The following KALRN variants were observed in gnomAD, a reference collection of about 807,000 sequenced individuals.
KALRN encodes the protein kalirin RhoGEF kinase, also known as kalirin.
In KALRN, 70 loss-of-function variants were observed where a neutral mutation model predicts 353.7. The ratio of observed to expected loss-of-function variants is 0.20; its 90% CI spans 0.16 to 0.24. The LOEUF (loss-of-function observed/expected upper bound fraction) is 0.24. Among genes scored for constraint, KALRN ranks in the 10% least tolerant of loss-of-function variants. The pLI, the probability that KALRN is intolerant of heterozygous loss-of-function variation, is 1.00. For synonymous variants in KALRN, 1,391 were observed against 1,434.8 expected (o/e 0.97, Z 0.69); for missense variants, 2,791 against 3,756.7 (o/e 0.74, Z 6.72).
At chr3:124,596,186 A>G (rs1578222023) in intron 34 of KALRN, among the ~76,000 whole-genome samples, 1 of 45,550 alleles carries the variant, frequency 2.2e-5, no homozygotes, top group Non-Finnish European at 4.1e-5. Flanking sequence ...CATCTTAAAG[A>G]AAAAAAAAAA....
intron 5 of KALRN, among the ~76,000 whole-genome samples, chr3:124,295,785 G>C (rs1376534180): frequency 6.6e-6 from 1 of 152,054 alleles, no homozygotes; most frequent in Non-Finnish European, 1.5e-5. Context: ...AATAGGGCTG[G>C]GAGGCAGAAT....
Position 124,667,061 on chromosome 3 carries a change from T to A in KALRN, c.6581T>A (p.Phe2194Tyr), listed in dbSNP as rs1290140312. Residue 2194 changes from phenylalanine (F) to tyrosine (Y), a missense_variant, in exon 47 of 60, where the codon TTT (phenylalanine) becomes TAT (tyrosine). Around this residue, in one of 11 missense-constraint regions of KALRN, gnomAD observed 1,065 missense variants for 1,156.4 expected, o/e 0.92. Transcript: ENST00000682506. ...AATGTGGACAATGATCCCTGCAAGT[T>A]TGCACTCATGAACAGAGAGACTTCT... is the stretch of plus-strand genomic sequence containing the variant. Reference protein sequence around the residue: ...EENVDNDPCKFALMNRETSER... With the variant: ...EENVDNDPCKYALMNRETSER... 6.2e-7 allele frequency: 1 copy of A among 1,614,048 alleles called. No individual in the cohort carries two copies. Among genetic ancestry groups the A allele is most frequent in the Non-Finnish European group, 8.5e-7 (1 of 1,179,986 alleles).
intron 3 of KALRN, among the ~76,000 whole-genome samples, chr3:124,235,246 C>A (rs889289168): frequency 2.0e-5 from 3 of 152,120 alleles, no homozygotes; most frequent in Non-Finnish European, 4.4e-5. Context: ...AGTGATATTG[C>A]CCCCAAAGAG....
intron 37 of KALRN, among the ~76,000 whole-genome samples, chr3:124,642,806 G>GTTTTTTTGTTGTTGTTGTTGTTTTT (rs1553707032): frequency 1.0e-5 from 1 of 96,840 alleles, no homozygotes; most frequent in African/African-American, 4.5e-5. Context: ...CCCAAGCCTC[G>GTTTTTTTGTTGTTGTTGTTGTTTTT]TTTTTTTTTT....
intron 1 of KALRN, among the ~76,000 whole-genome samples, chr3:124,068,222 T>A (rs1468093704): frequency 6.6e-6 from 1 of 152,194 alleles, no homozygotes; most frequent in Non-Finnish European, 1.5e-5. Flanking sequence ...GGATATGGTC[T>A]TCTTTCTGGG....
chr3:124,490,235 AAATAAT>A (rs958137466), intron 29 of KALRN, among the ~76,000 whole-genome samples: 59 of 152,310 alleles, frequency 3.9e-4, no homozygotes, highest in African/African-American at 1.4e-3. Context: ...AAAAAATAAA[AAATAAT>A]AATAAGAAGA....
intron 1 of KALRN, among the ~76,000 whole-genome samples, chr3:124,071,153 C>A (rs1338787523): frequency 6.6e-6 from 1 of 152,156 alleles, no homozygotes; most frequent in African/African-American, 2.4e-5. Flanking sequence ...GGTGTACATG[C>A]CTGTGTAGGT....
intron 15 of KALRN, among the ~76,000 whole-genome samples, chr3:124,428,135 A>C (rs1167423706): frequency 2.6e-5 from 4 of 152,210 alleles, no homozygotes; most frequent in Non-Finnish European, 4.4e-5. Context: ...CAGTTTTATG[A>C]ACCTGGAAGA....
At chr3:124,391,566 T>C (rs1468218184) in intron 11 of KALRN, among the ~76,000 whole-genome samples, 3 of 152,220 alleles carry the variant, frequency 2.0e-5, no homozygotes, top group Non-Finnish European at 4.4e-5. Context: ...CAAAGCATGT[T>C]CTTCAGCGCT....
chr3:124,278,155 T>G (rs147153935), intron 5 of KALRN, among the ~76,000 whole-genome samples: 47 of 150,122 alleles, frequency 3.1e-4, no homozygotes, highest in African/African-American at 1.1e-3. Context: ...GGATGGAGGA[T>G]AGTGTAGGGC....
At chr3:124,252,585 G>A (rs1212452542) in intron 3 of KALRN, among the ~76,000 whole-genome samples, 1 of 152,244 alleles carries the variant, frequency 6.6e-6, no homozygotes, top group Non-Finnish European at 1.5e-5. Flanking sequence ...CAAATCAGAT[G>A]TGCAGAGGCA....
chr3:124,628,486 TCCCTC>T (rs1244332573), intron 34 of KALRN, among the ~76,000 whole-genome samples: 10 of 95,168 alleles, frequency 1.1e-4, no homozygotes, highest in African/African-American at 3.1e-4. Flanking sequence ...TTCCTTCCCT[TCCCTC>T]CCTTCCCTTC....
At chr3:124,229,336 G>C (rs3772724) in intron 2 of KALRN, among the ~76,000 whole-genome samples, 15,094 of 152,308 alleles carry the variant, frequency 0.099, 1,138 homozygotes, top group African/African-American at 0.2. Context: ...GGTGCCTGTT[G>C]CAGGGCTCCA....
intron 34 of KALRN, among the ~76,000 whole-genome samples, chr3:124,600,724 C>T (rs1440588990): frequency 1.3e-5 from 2 of 152,072 alleles, no homozygotes; most frequent in Non-Finnish European, 2.9e-5. Context: ...TCAAATAGAG[C>T]AATCTTTATT....
intron 45 of KALRN, among the ~76,000 whole-genome samples, chr3:124,663,838 G>A (rs993991141): frequency 6.6e-6 from 1 of 152,002 alleles, no homozygotes; most frequent in Non-Finnish European, 1.5e-5. Context: ...AATAATTTAC[G>A]GGATAGTATA....
chr3:124,369,030 G>A lies in KALRN; in HGVS notation c.1771-15815G>A, dbSNP rs886674006. 2.6e-5 allele frequency among the ~76,000 whole-genome samples: 4 copies of A among 151,540 alleles called. No individual in the cohort carries two copies. The East Asian group carries it at 7.8e-4, about 29-fold the overall frequency. The stretch of plus-strand genomic sequence containing the variant: ...GTCCAGCTTCGGCTCCGCATGAGAG[G>A]GAGACCGTGGAAAGAGAGGGAGACC... On this transcript the variant is annotated intron_variant, in intron 10 of 59. Coordinates refer to ENST00000682506, the MANE Select transcript of KALRN (RefSeq NM_001388419.1).
chr3:124,534,247 A>G (rs2068317283), intron 33 of KALRN, among the ~76,000 whole-genome samples: 1 of 152,212 alleles, frequency 6.6e-6, no homozygotes, highest in Admixed American at 6.5e-5. Context: ...ATAATATATG[A>G]ACTTTAGTTA....
rs2063308952 is a variant in KALRN at position 124,719,515 on chromosome 3, C to A, written c.*45C>A. 25 of 1,531,706 alleles carry A rather than the reference C, an allele frequency of 1.6e-5. No homozygotes were observed. The highest frequency in any genetic ancestry group is 2.1e-5 in the Non-Finnish European group (24 of 1,119,760). 94.9% of individuals were successfully genotyped at this position (1,531,706 alleles called of 1,614,324 possible). ...GTTTCACATAGACGTGCAGTGTGAA[C>A]CAAAGCAAGACTGAATGTGACTGTA... On this transcript the variant is annotated 3_prime_UTR_variant, in exon 60 of 60. Coordinates refer to ENST00000682506, the MANE Select transcript of KALRN (RefSeq NM_001388419.1). This position sits in a 1 kb window ranked among gnomAD's most constrained non-coding sequence, Gnocchi z 5.3.
intron 10 of KALRN, among the ~76,000 whole-genome samples, chr3:124,363,376 T>G (rs1266087704): frequency 6.6e-6 from 1 of 152,182 alleles, no homozygotes; most frequent in African/African-American, 2.4e-5. Context: ...AATATTTGGA[T>G]GGGAGGCCAG....
Sources: allele counts gnomAD v4.1 joint callset (sites outside exome capture counted in the v4.1 genomes callset), GRCh38; gene constraint gnomAD v4.1.1; regional missense constraint gnomAD v4.1.1; non-coding constraint Gnocchi (gnomAD v3.1); transcripts MANE v1.5; gene names NCBI Gene and HGNC (gene_info 2026-07-23, HGNC 2026-07-21).